TTLL6: variants seen among roughly 807,000 people sequenced by gnomAD.
The protein encoded by TTLL6 is tubulin polyglutamylase TTLL6.
Under a neutral mutation model 96.4 loss-of-function variants are expected in TTLL6, and 75 were observed. The observed-to-expected ratio is 0.78, with a 90% CI of 0.65 to 0.94. TTLL6 has a LOEUF of 0.94. TTLL6 is among the 40% of genes least tolerant of loss of function. The pLI, the probability that TTLL6 is intolerant of heterozygous loss-of-function variation, is 0.00. For missense variants in TTLL6, 1,030 were observed against 1,093.0 expected, an observed-to-expected ratio of 0.94 and a Z score of 0.81; for synonymous variants, 411 against 419.4, an observed-to-expected ratio of 0.98 and a Z score of 0.24.
chr17:48,783,311 A>G (rs1227890288), intron 13 of TTLL6, among the ~76,000 whole-genome samples: 1 of 152,210 alleles, frequency 6.6e-6, no homozygotes, highest in Non-Finnish European at 1.5e-5. Flanking sequence ...GGTGGGCTTC[A>G]GTGGGAGGAA....
chr17:48,791,486 C>A lies in TTLL6; in HGVS notation c.1116G>T (p.Arg372Ser). 1 of 1,614,132 alleles carries A rather than the reference C, an allele frequency of 6.2e-7. No individual in the cohort carries two copies. Among genetic ancestry groups the A allele is most frequent in the Non-Finnish European group, 8.5e-7 (1 of 1,180,036 alleles). Residue 372 changes from arginine (R) to serine (S), a missense_variant, in exon 9 of 16, where the codon AGG becomes AGT. Coordinates refer to ENST00000393382, the MANE Select transcript of TTLL6 (RefSeq NM_001130918.3). ...KTLISAHPII[R>S]HNYHTCFPNH... is the part of the protein sequence containing the mutation. ...TGGGGAAGCAGGTGTGGTAGTTATGCCTGATGATGGGGTGGGCCGAGATGA... is the reference window on the plus strand; with the variant it reads ...TGGGGAAGCAGGTGTGGTAGTTATGACTGATGATGGGGTGGGCCGAGATGA...
intron 8 of TTLL6, chr17:48,794,120 A>G (rs1323795896): frequency 1.3e-5 from 21 of 1,592,752 alleles, no homozygotes; most frequent in Non-Finnish European, 1.7e-5. Flanking sequence ...GGAGAAGTAC[A>G]GTGGGGTGAG....
chr17:48,801,247 G>A lies in TTLL6; in HGVS notation c.611+8C>T, dbSNP rs572676040. The stretch of plus-strand genomic sequence containing the variant: ...TGGAGAAGGAAGTACAGGGCGGGGG[G>A]CACTCACTCAGCAGGAAGACACCAG... On this transcript the variant is annotated splice_region_variant and intron_variant, in intron 5 of 15. Coordinates refer to ENST00000393382, the MANE Select transcript of TTLL6 (RefSeq NM_001130918.3). The A allele has an allele frequency of 1.9e-6, 3 of 1,550,946 alleles. No individual in the cohort carries two copies. The highest frequency in any genetic ancestry group is 3.9e-5 in the Admixed American group (2 of 50,980).
intron 11 of TTLL6, among the ~76,000 whole-genome samples, chr17:48,787,121 G>T (rs1171566850): frequency 6.6e-6 from 1 of 152,014 alleles, no homozygotes; most frequent in African/African-American, 2.4e-5. Context: ...GAGCCACCGC[G>T]CCTGGCCTGT....
intron 12 of TTLL6, 146 bp from the exon 13 acceptor site, chr17:48,785,347 A>C: frequency 3.3e-6 from 4 of 1,224,884 alleles, no homozygotes; most frequent in Non-Finnish European, 4.5e-6. Flanking sequence ...GGGGCTCTCA[A>C]CTTGGAATTC....
intron 8 of TTLL6, among the ~76,000 whole-genome samples, chr17:48,795,169 T>C (rs1007881288): frequency 7.9e-5 from 12 of 151,792 alleles, no homozygotes; most frequent in Non-Finnish European, 1.3e-4. Context: ...CTACTAAAAA[T>C]ACAAAACTTA....
At chr17:48,786,378 C>T (rs150246055) in intron 11 of TTLL6, 43 bp from the exon 12 acceptor site, 36 of 1,612,408 alleles carry the variant, frequency 2.2e-5, no homozygotes, top group East Asian at 6.7e-5. Context: ...GTTAGAAATG[C>T]GCTGCGCAGG....
At chr17:48,784,814 C>G (rs2039056181) in intron 13 of TTLL6, 109 bp downstream of exon 13, 8 of 862,980 alleles carry the variant, frequency 9.3e-6, no homozygotes, top group Non-Finnish European at 1.4e-5. Context: ...CACCAAGGCC[C>G]AGGGAGGCTC....
At chr17:48,775,987 A>G (rs2038862714) in intron 13 of TTLL6, among the ~76,000 whole-genome samples, 1 of 152,196 alleles carries the variant, frequency 6.6e-6, no homozygotes, top group Non-Finnish European at 1.5e-5. Flanking sequence ...AAAATCAGAA[A>G]CAAGACAAAG....
At chr17:48,797,667 A>C (rs1370135618) in intron 6 of TTLL6, among the ~76,000 whole-genome samples, 1 of 151,618 alleles carries the variant, frequency 6.6e-6, no homozygotes, top group Non-Finnish European at 1.5e-5. Context: ...GGCCCCTGTA[A>C]TCCCAGCTAC....
chr17:48,798,702 G>C (rs972354380), intron 6 of TTLL6, among the ~76,000 whole-genome samples: 4 of 152,042 alleles, frequency 2.6e-5, no homozygotes, highest in Admixed American at 2.0e-4. Flanking sequence ...TTGTGCCACT[G>C]CGCTCCAGCC....
intron 14 of TTLL6, 134 bp downstream of exon 14, chr17:48,769,594 C>T: frequency 9.1e-7 from 1 of 1,101,766 alleles, no homozygotes; most frequent in Non-Finnish European, 1.3e-6. Flanking sequence ...TCTCCACCAT[C>T]AGACTGGGGT....
At position 48,769,182 on chromosome 17, in the gene TTLL6, G is replaced by T; in HGVS notation, c.2483C>A (p.Ser828Tyr). The T allele has an allele frequency of 6.2e-7, 1 of 1,614,020 alleles. No homozygotes were observed. Residue 828 changes from serine (S) to tyrosine (Y), a missense_variant, in exon 15 of 16, where the codon TCC (serine) becomes TAC (tyrosine). Ser to Tyr is a moderately radical substitution (Grantham distance 144). Transcript: ENST00000393382. Reference protein sequence around the residue: ...SSGEKRQLDVSSLLLQSPQSY... With the variant: ...SSGEKRQLDVYSLLLQSPQSY... ...CTGAGGACTCTGCAAGAGGAGGGAGGACACATCCAGCTGCCTCTTCTCGCC... is the reference window on the plus strand; with the variant it reads ...CTGAGGACTCTGCAAGAGGAGGGAGTACACATCCAGCTGCCTCTTCTCGCC...
chr17:48,812,594 C>A (rs915387091), intron 1 of TTLL6, among the ~76,000 whole-genome samples: 31 of 152,156 alleles, frequency 2.0e-4, no homozygotes, highest in African/African-American at 7.5e-4. Context: ...TAGAACAGTG[C>A]CTGGCACATA....
chr17:48,783,579 G>C (rs11653214), intron 13 of TTLL6, among the ~76,000 whole-genome samples: 46,295 of 151,722 alleles, frequency 0.31, 7,300 homozygotes, highest in Admixed American at 0.41. Context: ...TTACAGGCAT[G>C]CACCATCACA....
intron 1 of TTLL6, among the ~76,000 whole-genome samples, chr17:48,807,876 T>A (rs2039526773): frequency 1.3e-5 from 2 of 152,106 alleles, no homozygotes; most frequent in Non-Finnish European, 2.9e-5. Flanking sequence ...TCTCGCTCAG[T>A]CGCCCAGGCT....
Position 48,774,460 on chromosome 17 carries a change from G to A in TTLL6, c.2041-4363C>T, listed in dbSNP as rs897681572. Among the ~76,000 whole-genome samples, 13 of 151,268 alleles carry A rather than the reference G, an allele frequency of 8.6e-5. 1 individual carries two copies. The highest frequency in any genetic ancestry group is 1.7e-4 in the African/African-American group (7 of 41,150). On this transcript the variant is annotated intron_variant, in intron 13 of 15. Transcript: ENST00000393382. ...ATTACAGGCGTGAGCCACTATGCCCGGCCCAAAATCTAGTTTTTTTTTAAA... is the reference window on the plus strand; with the variant it reads ...ATTACAGGCGTGAGCCACTATGCCCAGCCCAAAATCTAGTTTTTTTTTAAA...
intron 13 of TTLL6, among the ~76,000 whole-genome samples, chr17:48,773,436 C>T (rs2038791381): frequency 1.3e-5 from 2 of 152,210 alleles, no homozygotes; most frequent in African/African-American, 2.4e-5. Context: ...AATAAAACCA[C>T]ACCCAGACAC....
intron 15 of TTLL6, 86 bp downstream of exon 15, chr17:48,768,903 C>T (rs2038672486): frequency 7.3e-7 from 1 of 1,378,512 alleles, no homozygotes; most frequent in African/African-American, 1.4e-5. Context: ...TCAATCCATC[C>T]ATCCTCCTAC....
Sources: gnomAD v4.1 joint callset for allele counts (sites outside exome capture counted in the v4.1 genomes callset) on GRCh38, gnomAD v4.1.1 for gene constraint, MANE v1.5 for transcripts, NCBI Gene and HGNC (gene_info 2026-07-23, HGNC 2026-07-21) for gene names.